The following LARP1 variants were observed in gnomAD, a reference collection of about 807,000 sequenced individuals.
LARP1 encodes La ribonucleoprotein 1, translational regulator.
A neutral mutation model predicts 122.7 loss-of-function variants in LARP1; 36 were observed. That is an observed-to-expected ratio of 0.29 (90% CI 0.22 to 0.39). The LOEUF (loss-of-function observed/expected upper bound fraction) is 0.39. Ranked by LOEUF, LARP1 falls within the 10% of genes least tolerant of loss-of-function variation. The pLI, the probability that LARP1 is intolerant of heterozygous loss-of-function variation, is 1.00. For synonymous variants in LARP1, 539 were observed against 528.7 expected (o/e 1.02, Z -0.27); for missense variants, 1,040 against 1,403.6 (o/e 0.74, Z 4.14).
chr5:154,684,357 A>G (rs1582130045), intron 1 of LARP1, among the ~76,000 whole-genome samples: 1 of 151,908 alleles, frequency 6.6e-6, no homozygotes, highest in East Asian at 1.9e-4. Context: ...GATCCCTTGA[A>G]CTCAGGAGGT....
Position 154,803,552 on chromosome 5 carries a change from C to T in LARP1, c.2246C>T (p.Ala749Val). 6.2e-7 allele frequency: 1 copy of T among 1,614,154 alleles called. No homozygotes were observed. Among genetic ancestry groups the T allele is most frequent in the South Asian group, 1.1e-5 (1 of 91,078 alleles). Residue 749 changes from alanine (A) to valine (V), a missense_variant, in exon 13 of 19, where the codon GCC becomes GTC. By Grantham distance (64) the Ala-to-Val change is moderately conservative. Coordinates refer to ENST00000518297, the MANE Select transcript of LARP1 (RefSeq NM_033551.3). The surrounding 1 kb of genome is among the most constrained non-coding windows in gnomAD (Gnocchi z 4.4). The stretch of plus-strand genomic sequence containing the variant: ...TCTGCCTCTGCAGTTCCTACGGATG[C>T]CCTGGCCAACAAGTTGTTTGGTGCT... ...PPRFQQVPTD[A>V]LANKLFGAPE...
chr5:154,739,968 G>T (rs1460082873), intron 1 of LARP1, among the ~76,000 whole-genome samples: 2 of 151,918 alleles, frequency 1.3e-5, no homozygotes, highest in African/African-American at 2.4e-5. Flanking sequence ...GGAGGCTGAG[G>T]CAGGAGGATA....
At chr5:154,731,086 C>T (rs139607313) in intron 1 of LARP1, among the ~76,000 whole-genome samples, 1,732 of 151,968 alleles carry the variant, frequency 0.011, 31 homozygotes, top group African/African-American at 0.04. Flanking sequence ...TGGCCTCCCA[C>T]AATGTTGGGG....
chr5:154,712,931 T>G, exon 1 of LARP1: 1 of 1,614,106 alleles, frequency 6.2e-7, no homozygotes, highest in Non-Finnish European at 8.5e-7. Context: ...ACTCCATGCT[T>G]TGGAGGGTGC....
intron 1 of LARP1, among the ~76,000 whole-genome samples, chr5:154,747,156 A>G (rs1000665681): frequency 7.2e-5 from 11 of 152,032 alleles, no homozygotes; most frequent in Middle Eastern, 3.4e-3. Context: ...AAAACCAAAC[A>G]TTAGCCGGGT....
upstream of LARP1, among the ~76,000 whole-genome samples, chr5:154,712,668 G>T (rs916167416): frequency 6.6e-6 from 1 of 152,186 alleles, no homozygotes; most frequent in African/African-American, 2.4e-5. Flanking sequence ...GGGAGACTCA[G>T]CGGGTTGCCA....
At chr5:154,691,662 C>T (rs554968661) in intron 1 of LARP1, among the ~76,000 whole-genome samples, 3 of 152,328 alleles carry the variant, frequency 2.0e-5, no homozygotes, top group African/African-American at 4.8e-5. Flanking sequence ...TTCCTCCCTC[C>T]GTCCCTGTTC....
intron 1 of LARP1, chr5:154,685,627 AG>A: frequency 3.5e-6 from 1 of 283,818 alleles, no homozygotes; most frequent in Non-Finnish European, 6.6e-6. Flanking sequence ...AGCTTTGGAT[AG>A]GGGTGAACTA....
chr5:154,683,908 A>T (rs1753805455), intron 1 of LARP1, among the ~76,000 whole-genome samples: 1 of 152,202 alleles, frequency 6.6e-6, no homozygotes, highest in Non-Finnish European at 1.5e-5. Context: ...TTTGGAGTTG[A>T]TGGTAGCTTC....
chr5:154,776,853 G>T (rs575065872), intron 1 of LARP1, among the ~76,000 whole-genome samples: 5 of 152,206 alleles, frequency 3.3e-5, no homozygotes, highest in Non-Finnish European at 5.9e-5. Context: ...CTGAATGGGA[G>T]TCACTCAGTT....
At chr5:154,804,812 A>G (rs866091748) in intron 14 of LARP1, 33 of 456,168 alleles carry the variant, frequency 7.2e-5, no homozygotes, top group African/African-American at 5.8e-4. Context: ...TTCCCAAAGC[A>G]AGCTTTGAGA....
chr5:154,700,523 C>A (rs1246839969), intron 1 of LARP1, among the ~76,000 whole-genome samples: 1 of 151,692 alleles, frequency 6.6e-6, no homozygotes, highest in Non-Finnish European at 1.5e-5. Flanking sequence ...CAGAGTGAGA[C>A]CCTGTCTCAA....
At chr5:154,703,120 C>CAAAAA (rs757446137) in intron 1 of LARP1, among the ~76,000 whole-genome samples, 3 of 38,758 alleles carry the variant, frequency 7.7e-5, no homozygotes, top group Non-Finnish European at 1.0e-4. Context: ...GACGCTGTCT[C>CAAAAA]AAAAAAAAAA....
chr5:154,795,950 TTATA>T (rs571601448), intron 8 of LARP1, among the ~76,000 whole-genome samples: 7 of 119,804 alleles, frequency 5.8e-5, no homozygotes, highest in African/African-American at 2.0e-4. Context: ...TATTTATATA[TTATA>T]TATATTTTTA....
At chr5:154,731,787 T>C (rs1582229433) in intron 1 of LARP1, among the ~76,000 whole-genome samples, 1 of 152,078 alleles carries the variant, frequency 6.6e-6, no homozygotes, top group East Asian at 1.9e-4. Context: ...CCCAGCACTT[T>C]GGGAGGCTGA....
intron 1 of LARP1, chr5:154,786,359 C>G: frequency 2.4e-6 from 1 of 409,306 alleles, no homozygotes; most frequent in South Asian, 1.7e-5. Context: ...TCATTTTTAA[C>G]AAAGGCTTGT....
At chr5:154,737,262 A>G (rs1756951699) in intron 1 of LARP1, among the ~76,000 whole-genome samples, 1 of 151,494 alleles carries the variant, frequency 6.6e-6, no homozygotes, top group East Asian at 2.0e-4. Flanking sequence ...GATGGTCTCA[A>G]ACTCCTGACC....
chr5:154,769,226 C>G (rs567405369), intron 1 of LARP1, among the ~76,000 whole-genome samples: 1 of 152,184 alleles, frequency 6.6e-6, no homozygotes, highest in Non-Finnish European at 1.5e-5. Flanking sequence ...AAGGCCTAGC[C>G]GCTCTGGACC....
At chr5:154,780,339 C>T (rs984210134) in intron 1 of LARP1, among the ~76,000 whole-genome samples, 3 of 152,198 alleles carry the variant, frequency 2.0e-5, no homozygotes, top group African/African-American at 7.2e-5. Context: ...AAGCACCCTC[C>T]CCTGTGGTCA....
Sources: gnomAD v4.1 joint callset for allele counts (sites outside exome capture counted in the v4.1 genomes callset) on GRCh38, gnomAD v4.1.1 for gene constraint, Gnocchi (gnomAD v3.1) non-coding constraint, MANE v1.5 for transcripts, NCBI Gene and HGNC (gene_info 2026-07-23, HGNC 2026-07-21) for gene names.